Variants in NBAS observed in about 807,000 individuals in gnomAD.
NBAS encodes the protein NAG/BC035112 fusion.
NBAS carries 219 observed loss-of-function variants against 302.5 expected under a neutral mutation model. The ratio of observed to expected loss-of-function variants is 0.72; its 90% CI spans 0.65 to 0.81. The LOEUF is 0.81. NBAS is among the 30% of genes least tolerant of loss of function. NBAS has a pLI of 0.00. For synonymous variants in NBAS, 1,118 were observed against 1,021.6 expected (o/e 1.09, Z -1.80); for missense variants, 2,932 against 2,841.6 (o/e 1.03, Z -0.72).
At chr2:15,364,508 G>T (rs527664545) in intron 32 of NBAS, among the ~76,000 whole-genome samples, 1 of 152,214 alleles carries the variant, frequency 6.6e-6, no homozygotes, top group African/African-American at 2.4e-5. Context: ...TCCAGCCTGG[G>T]CAACAAGAGC....
At chr2:14,875,812 GC>G in the NBAS span, among the ~76,000 whole-genome samples, 1 of 152,092 alleles carries the variant, frequency 6.6e-6, no homozygotes, top group South Asian at 2.1e-4. Flanking sequence ...CTGATGTCTG[GC>G]CCATGTAAAG....
At chr2:14,822,867 A>G in the NBAS span, among the ~76,000 whole-genome samples, 3 of 152,220 alleles carry the variant, frequency 2.0e-5, no homozygotes, top group South Asian at 4.1e-4. Context: ...TCTGTGCACC[A>G]GACAATATGC....
chr2:15,147,117 G>A, the NBAS span, among the ~76,000 whole-genome samples: 1 of 152,126 alleles, frequency 6.6e-6, no homozygotes, highest in Non-Finnish European at 1.5e-5. Flanking sequence ...AACTGTTCTG[G>A]GTAGCCCTAG....
chr2:14,906,267 C>G, the NBAS span, among the ~76,000 whole-genome samples: 1 of 152,154 alleles, frequency 6.6e-6, no homozygotes, highest in African/African-American at 2.4e-5. Flanking sequence ...TTCATCTAAT[C>G]CTAGAAGTAA....
chr2:15,165,185 C>T (rs1663984268), downstream of NBAS, among the ~76,000 whole-genome samples: 2 of 152,242 alleles, frequency 1.3e-5, no homozygotes, highest in South Asian at 4.1e-4. Flanking sequence ...TGAAATGATG[C>T]AGGCTAGCTG....
the NBAS span, among the ~76,000 whole-genome samples, chr2:15,038,727 G>T: frequency 6.6e-6 from 1 of 151,790 alleles, no homozygotes; most frequent in Non-Finnish European, 1.5e-5. Flanking sequence ...ATTTCCAAAA[G>T]TGACTGCGAC....
chr2:15,445,388 A>G (rs1188459638), intron 21 of NBAS, among the ~76,000 whole-genome samples: 3 of 149,840 alleles, frequency 2.0e-5, no homozygotes, highest in Non-Finnish European at 4.4e-5. Context: ...CATCATTCTC[A>G]GTAAACTATC....
intron 16 of NBAS, 102 bp from the exon 17 acceptor site, chr2:15,468,635 G>A: frequency 1.5e-6 from 2 of 1,365,218 alleles, no homozygotes; most frequent in Non-Finnish European, 2.1e-6. Flanking sequence ...ATGTATTACA[G>A]CTATTTAGGA....
the NBAS span, among the ~76,000 whole-genome samples, chr2:15,140,161 T>C: frequency 9.9e-4 from 151 of 152,334 alleles, no homozygotes; most frequent in African/African-American, 3.5e-3. Flanking sequence ...CCCTGACCAA[T>C]AGTCCTCACT....
chr2:15,465,535 G>A (rs11679632), intron 19 of NBAS, among the ~76,000 whole-genome samples: 92,220 of 151,934 alleles, frequency 0.61, 28,937 homozygotes, highest in Non-Finnish European at 0.68. Flanking sequence ...AAATGAATTC[G>A]TTTTTATCTC....
chr2:15,439,267 A>G (rs1572851338), intron 21 of NBAS, among the ~76,000 whole-genome samples: 1 of 148,548 alleles, frequency 6.7e-6, no homozygotes, highest in Admixed American at 6.9e-5. Flanking sequence ...TCGCCACTGC[A>G]CTCCGACCTG....
the NBAS span, among the ~76,000 whole-genome samples, chr2:14,860,724 T>G: frequency 1.3e-5 from 2 of 152,136 alleles, no homozygotes; most frequent in Non-Finnish European, 2.9e-5. Context: ...GGGTGATTAA[T>G]GGGTACAAAT....
At chr2:14,972,063 T>A in the NBAS span, among the ~76,000 whole-genome samples, 29 of 151,560 alleles carry the variant, frequency 1.9e-4, no homozygotes, top group East Asian at 1.9e-3. Flanking sequence ...AAAAAAAAAA[T>A]GTCAATCCTG....
intron 30 of NBAS, among the ~76,000 whole-genome samples, chr2:15,379,054 C>T (rs1674895400): frequency 1.3e-5 from 2 of 151,976 alleles, no homozygotes; most frequent in Non-Finnish European, 2.9e-5. Context: ...CATGAACACA[C>T]CTTTCTAGTG....
chr2:14,912,915 G>T, the NBAS span, among the ~76,000 whole-genome samples: 1 of 152,216 alleles, frequency 6.6e-6, no homozygotes, highest in Admixed American at 6.5e-5. Context: ...ATTTCAAAGA[G>T]CAGTTTCTCA....
chr2:15,194,151 C>T (rs576509407), intron 48 of NBAS, among the ~76,000 whole-genome samples: 1 of 152,192 alleles, frequency 6.6e-6, no homozygotes, highest in East Asian at 1.9e-4. Flanking sequence ...TATTATAAGA[C>T]ATATCTAAAA....
chr2:15,014,847 A>C, the NBAS span, among the ~76,000 whole-genome samples: 1 of 151,964 alleles, frequency 6.6e-6, no homozygotes, highest in African/African-American at 2.4e-5. Flanking sequence ...AATGAAACAA[A>C]AAGTTGGTTT....
At chr2:15,419,268 G>A (rs1349265926) in intron 23 of NBAS, among the ~76,000 whole-genome samples, 1 of 152,158 alleles carries the variant, frequency 6.6e-6, no homozygotes, top group Non-Finnish European at 1.5e-5. Flanking sequence ...TGAGAAATTT[G>A]AGTAAAGAGG....
the NBAS span, among the ~76,000 whole-genome samples, chr2:15,104,968 G>A: frequency 1.3e-5 from 2 of 151,880 alleles, no homozygotes; most frequent in African/African-American, 4.8e-5. Flanking sequence ...TATATTTATT[G>A]CAGCACTATC....
Sources: allele counts gnomAD v4.1 joint callset (sites outside exome capture counted in the v4.1 genomes callset), GRCh38; gene constraint gnomAD v4.1.1; transcripts MANE v1.5; gene names NCBI Gene and HGNC (gene_info 2026-07-23, HGNC 2026-07-21).